The following NRXN1 variants were observed in gnomAD, a reference collection of about 807,000 sequenced individuals.
NRXN1 encodes the protein neurexin 1.
NRXN1 carries 39 observed loss-of-function variants against 150.9 expected under a neutral mutation model. The ratio of observed to expected loss-of-function variants is 0.26; its 90% CI spans 0.20 to 0.34. The LOEUF is 0.34. Ranked by LOEUF, NRXN1 falls within the 10% of genes least tolerant of loss-of-function variation. The probability of loss-of-function intolerance (pLI) is 1.00; values close to 1 mark genes in which losing one functional copy is unlikely to be tolerated. For missense variants in NRXN1, 1,815 were observed against 1,949.9 expected (o/e 0.93, Z 1.30); for synonymous variants, 924 against 757.0 (o/e 1.22, Z -3.62).
At chr2:50,534,754 C>G (rs552818097) in intron 10 of NRXN1, among the ~76,000 whole-genome samples, 3 of 152,226 alleles carry the variant, frequency 2.0e-5, no homozygotes, top group Non-Finnish European at 2.9e-5. Flanking sequence ...TATTTAATCT[C>G]TATAACTAGG....
chr2:50,428,543 T>C (rs1232086690), intron 17 of NRXN1, among the ~76,000 whole-genome samples: 1 of 152,252 alleles, frequency 6.6e-6, no homozygotes, highest in African/African-American at 2.4e-5. Context: ...CTGTAAACTG[T>C]CTTCAGTCAT....
intron 19 of NRXN1, among the ~76,000 whole-genome samples, chr2:50,089,519 G>A (rs1197185575): frequency 6.6e-6 from 1 of 152,160 alleles, no homozygotes; most frequent in Non-Finnish European, 1.5e-5. Flanking sequence ...GGGCATGGTG[G>A]CTCATGCCTG....
At chr2:50,315,879 C>A (rs2075564140) in intron 17 of NRXN1, among the ~76,000 whole-genome samples, 1 of 152,004 alleles carries the variant, frequency 6.6e-6, no homozygotes, top group South Asian at 2.1e-4. Flanking sequence ...TGACAGTTTC[C>A]ATCCTTAGAG....
At chr2:50,168,243 A>C (rs1268151545) in intron 18 of NRXN1, among the ~76,000 whole-genome samples, 1 of 152,174 alleles carries the variant, frequency 6.6e-6, no homozygotes, top group African/African-American at 2.4e-5. Flanking sequence ...GGACTGTGGA[A>C]AATTAATAGT....
intron 2 of NRXN1, chr2:51,026,448 C>T (rs1332998025): frequency 1.2e-6 from 2 of 1,603,242 alleles, no homozygotes; most frequent in African/African-American, 1.3e-5. Flanking sequence ...CGGCAAAACA[C>T]ACTGAAGACC....
intron 5 of NRXN1, among the ~76,000 whole-genome samples, chr2:50,896,727 T>C (rs1682017871): frequency 6.6e-6 from 1 of 151,992 alleles, no homozygotes; most frequent in Non-Finnish European, 1.5e-5. Flanking sequence ...ATGCCCATAG[T>C]CCCAGCTACT....
Position 50,538,233 on chromosome 2 carries a change from C to T in NRXN1, c.2143+20G>A, listed in dbSNP as rs1320632061. 1.3e-6 allele frequency: 2 copies of T among 1,597,096 alleles called. No homozygotes were observed. Among genetic ancestry groups the T allele is most frequent in the East Asian group, 2.2e-5 (1 of 44,628 alleles). ...ACTTTTCATCTCAGGGAGTTGGCTGCTGGGGTTTTAGAATCCTACCTCTCT... is the reference window on the plus strand; with the variant it reads ...ACTTTTCATCTCAGGGAGTTGGCTGTTGGGGTTTTAGAATCCTACCTCTCT... On this transcript the variant is annotated intron_variant, in intron 10 of 22. Transcript: ENST00000401669.
chr2:50,343,597 A>G (rs1482686219), intron 17 of NRXN1, among the ~76,000 whole-genome samples: 1 of 152,194 alleles, frequency 6.6e-6, no homozygotes, highest in African/African-American at 2.4e-5. Context: ...TCCTCATCAT[A>G]ATCTCTGCAA....
At chr2:50,194,155 T>C (rs2061611975) in intron 18 of NRXN1, among the ~76,000 whole-genome samples, 1 of 152,166 alleles carries the variant, frequency 6.6e-6, no homozygotes, top group Non-Finnish European at 1.5e-5. Flanking sequence ...AAAATGGTTA[T>C]TACAGAAATT....
chr2:50,300,936 T>A (rs1432581781), intron 17 of NRXN1, among the ~76,000 whole-genome samples: 2 of 152,106 alleles, frequency 1.3e-5, no homozygotes, highest in African/African-American at 4.8e-5. Context: ...CCTCAGGTGA[T>A]CCACCCTTCT....
intron 5 of NRXN1, among the ~76,000 whole-genome samples, chr2:50,770,468 G>A (rs1386467374): frequency 1.3e-5 from 2 of 151,834 alleles, no homozygotes; most frequent in African/African-American, 4.8e-5. Context: ...AGTTACATTG[G>A]ACTAAGGTGC....
intron 2 of NRXN1, 60 bp downstream of exon 2, chr2:51,027,442 C>G: frequency 6.9e-7 from 1 of 1,459,466 alleles, no homozygotes; most frequent in Non-Finnish European, 9.0e-7. Context: ...CCAGCCCGGT[C>G]CCCTCCTCCC....
intron 5 of NRXN1, among the ~76,000 whole-genome samples, chr2:50,738,287 C>T (rs1343461624): frequency 6.6e-6 from 1 of 152,152 alleles, no homozygotes; most frequent in Non-Finnish European, 1.5e-5. Flanking sequence ...CATAAATGCT[C>T]CACTGACCCT....
intron 8 of NRXN1, among the ~76,000 whole-genome samples, chr2:50,559,581 G>T (rs1382762514): frequency 6.6e-6 from 1 of 151,868 alleles, no homozygotes; most frequent in Non-Finnish European, 1.5e-5. Context: ...TATATAATAG[G>T]TAAACTATAT....
At chr2:50,232,845 A>G (rs2065074665) in intron 18 of NRXN1, among the ~76,000 whole-genome samples, 1 of 152,154 alleles carries the variant, frequency 6.6e-6, no homozygotes, top group African/African-American at 2.4e-5. Context: ...AAAAATAAAC[A>G]TTCATCCAAC....
chr2:50,826,389 A>G (rs957493240), intron 5 of NRXN1, among the ~76,000 whole-genome samples: 5 of 152,166 alleles, frequency 3.3e-5, no homozygotes, highest in African/African-American at 1.2e-4. Context: ...AAGGAAAGTG[A>G]GGTATGATGC....
rs911686140 is a variant in NRXN1 at position 50,062,405 on chromosome 2, A to G, written c.3719-7361T>C. On this transcript the variant is annotated intron_variant, in intron 19 of 22. Coordinates refer to ENST00000401669, the MANE Select transcript of NRXN1 (RefSeq NM_001330078.2). ...TGAAGCAAGCCCTCACTAGAAATGG[A>G]ATCTTGTACTTCCTAGTCTTCCGAA... is the stretch of plus-strand genomic sequence containing the variant. 2.0e-5 allele frequency among the ~76,000 whole-genome samples: 3 copies of G among 152,150 alleles called. No individual in the cohort carries two copies. In the South Asian group the frequency reaches 6.2e-4, roughly 32 times the overall value.
chr2:50,506,852 C>T, intron 12 of NRXN1: 1 of 501,328 alleles, frequency 2.0e-6, no homozygotes. Flanking sequence ...CTTTTACAAA[C>T]ATTCAGGTGT....
At chr2:50,172,720 C>A (rs545527400) in intron 18 of NRXN1, among the ~76,000 whole-genome samples, 1 of 152,240 alleles carries the variant, frequency 6.6e-6, no homozygotes, top group South Asian at 2.1e-4. Context: ...GCAATCCCAG[C>A]ACTTTATGGG....
Sources: allele counts gnomAD v4.1 joint callset (sites outside exome capture counted in the v4.1 genomes callset), GRCh38; gene constraint gnomAD v4.1.1; transcripts MANE v1.5; gene names NCBI Gene and HGNC (gene_info 2026-07-23, HGNC 2026-07-21).